The following RPE variants were observed in gnomAD, a reference collection of about 807,000 sequenced individuals.
RPE encodes the protein ribulose-phosphate 3-epimerase.
A neutral mutation model predicts 24.6 loss-of-function variants in RPE; 16 were observed. The observed-to-expected ratio is 0.65, with a 90% confidence interval of 0.44 to 0.99. The LOEUF (loss-of-function observed/expected upper bound fraction) is 0.99. Among genes scored for constraint, RPE ranks in the 50% least tolerant of loss-of-function variants. The pLI is 0.00. For synonymous variants in RPE, 93 were observed against 98.4 expected, an observed-to-expected ratio of 0.94 and a Z score of 0.33; for missense variants, 240 against 294.5, an observed-to-expected ratio of 0.81 and a Z score of 1.35.
intron 1 of RPE, among the ~76,000 whole-genome samples, chr2:210,006,573 T>G (rs942301572): frequency 6.6e-6 from 1 of 152,142 alleles, no homozygotes; most frequent in African/African-American, 2.4e-5. Flanking sequence ...TTTTTTTTGG[T>G]TCTTTTATTT....
At chr2:210,006,061 G>A (rs1029475879) in intron 1 of RPE, among the ~76,000 whole-genome samples, 1 of 152,134 alleles carries the variant, frequency 6.6e-6, no homozygotes, top group Non-Finnish European at 1.5e-5. Context: ...CTGGAAGAAA[G>A]GGATACCTTT....
In RPE at chr2:210,017,730, ATGCTTT is replaced by A. The variant is rs1182122729; in HGVS notation, c.564+173_564+178del. 28 of 376,278 alleles carry A rather than the reference ATGCTTT, an allele frequency of 7.4e-5. 1 individual carries two copies. The highest frequency in any genetic ancestry group is 8.9e-5 in the Non-Finnish European group (19 of 213,588). 23.3% of individuals were successfully genotyped at this position (376,278 alleles called of 1,614,324 possible). A position where few individuals can be genotyped will look rare whatever the true frequency, so the allele number is the denominator to read the frequency against. ...GGAAAATAAACAGCCATAAGTGGAT[ATGCTTT>A]TTTTTTTTTTTTTTTTTTTTCTTTT... On this transcript the variant is annotated intron_variant, in intron 5 of 5. Transcript: ENST00000359429.
At position 210,021,425 on chromosome 2, in the gene RPE, A is replaced by G. The variant is rs973638055; in HGVS notation, c.*1634A>G. ...TTTAATAACAAGCAACACACGGCAT[A>G]TAGAAATAACTTTAATTAAAAAACT... On this transcript the variant is annotated 3_prime_UTR_variant, in exon 6 of 6. Coordinates refer to ENST00000359429, the MANE Select transcript of RPE (RefSeq NM_199229.3). 1 of 152,598 alleles carries G rather than the reference A, an allele frequency of 6.6e-6. No homozygotes were observed. The highest frequency in any genetic ancestry group is 2.4e-5 in the African/African-American group (1 of 41,458). 9.5% of individuals were successfully genotyped at this position (152,598 alleles called of 1,614,324 possible). A position where few individuals can be genotyped will look rare whatever the true frequency, so the allele number is the denominator to read the frequency against.
In RPE at chr2:210,016,311, A is replaced by G. The variant is rs2093771563; in HGVS notation, c.343-196A>G. On this transcript the variant is annotated intron_variant, in intron 3 of 5. Transcript: ENST00000359429. ...TCTTCAGCTATGATGCCAGGATTTA[A>G]CTTCTTTGTCACATAGCATTTATGT... The G allele has an allele frequency of 5.6e-6, 9 of 1,597,370 alleles. No individual in the cohort carries two copies. In the East Asian group the frequency reaches 2.0e-4, roughly 36 times the overall value.
At position 210,016,648 on chromosome 2, in the gene RPE, G is replaced by T; in HGVS notation, c.477+7G>T. 6.2e-7 allele frequency: 1 copy of T among 1,614,024 alleles called. No homozygotes were observed. Among genetic ancestry groups the T allele is most frequent in the Non-Finnish European group, 8.5e-7 (1 of 1,179,884 alleles). ...GGAAGATATGATGCCAAAGGTAAAA[G>T]AAGTATTTGATTTTGGGGTGAGGCT... On this transcript the variant is annotated splice_region_variant and intron_variant, in intron 4 of 5. Transcript: ENST00000359429.
rs1486208652 is a variant in RPE at position 210,021,992 on chromosome 2, A to T, written c.*2201A>T. On this transcript the variant is annotated 3_prime_UTR_variant, in exon 6 of 6. Coordinates refer to ENST00000359429, the MANE Select transcript of RPE (RefSeq NM_199229.3). The stretch of plus-strand genomic sequence containing the variant: ...TTAACTAATTTCTTGCTAATCTAGA[A>T]ATACAATCATCTTTTTTTTTTTTTT... The T allele has an allele frequency of 6.6e-6, 1 of 151,596 alleles. No homozygotes were observed. Among genetic ancestry groups the T allele is most frequent in the Non-Finnish European group, 1.5e-5 (1 of 67,892 alleles). The allele number at this position is 151,596 out of a possible 1,614,324, so 9.4% of individuals were successfully genotyped here.
intron 4 of RPE, among the ~76,000 whole-genome samples, chr2:210,016,975 C>G (rs1288088054): frequency 6.6e-6 from 1 of 152,098 alleles, no homozygotes; most frequent in African/African-American, 2.4e-5. Flanking sequence ...CCCTGAGTAG[C>G]TAGGACTACA....
chr2:210,008,737 C>T (rs1159381410), intron 1 of RPE, among the ~76,000 whole-genome samples: 1 of 151,972 alleles, frequency 6.6e-6, no homozygotes, highest in Non-Finnish European at 1.5e-5. Flanking sequence ...GCTTTGTCGC[C>T]CAGGCTGGAA....
At chr2:210,019,539 A>G (rs1352916277) in intron 5 of RPE, 130 bp from the exon 6 acceptor site, 2 of 1,098,030 alleles carry the variant, frequency 1.8e-6, no homozygotes, top group Non-Finnish European at 1.3e-6. Context: ...AAGTCTGCTT[A>G]ATCTCAAAGT....
At chr2:210,015,624 C>G (rs541329800) in intron 2 of RPE, among the ~76,000 whole-genome samples, 22 of 152,234 alleles carry the variant, frequency 1.4e-4, no homozygotes, top group Admixed American at 1.4e-3. Flanking sequence ...CTTAATTTTT[C>G]CTAGAGGAAA....
At position 210,016,658 on chromosome 2, in the gene RPE, AT is replaced by A; in HGVS notation, c.477+21del. ...ATGCCAAAGGTAAAAGAAGTATTTG[AT>A]TTTGGGGTGAGGCTTTTACAGTGTG... On this transcript the variant is annotated intron_variant, in intron 4 of 5. Coordinates refer to ENST00000359429, the MANE Select transcript of RPE (RefSeq NM_199229.3). 1.9e-6 allele frequency: 3 copies of A among 1,614,102 alleles called. No homozygotes were observed. The highest frequency in any genetic ancestry group is 2.5e-6 in the Non-Finnish European group (3 of 1,180,008).
intron 5 of RPE, 160 bp downstream of exon 5, chr2:210,017,719 C>T (rs994278873): frequency 4.7e-6 from 3 of 636,868 alleles, no homozygotes; most frequent in East Asian, 2.9e-5. Flanking sequence ...AATAAACAGC[C>T]ATAAGTGGAT....
At chr2:210,012,851 C>G (rs966702612) in intron 2 of RPE, among the ~76,000 whole-genome samples, 1 of 152,188 alleles carries the variant, frequency 6.6e-6, no homozygotes, top group African/African-American at 2.4e-5. Context: ...AGTTATTTTA[C>G]CAAATGTGAT....
Position 210,015,994 on chromosome 2 carries a change from A to G in RPE, c.224A>G (p.Lys75Arg), listed in dbSNP as rs536988635. 4 of 1,614,216 alleles carry G rather than the reference A, an allele frequency of 2.5e-6. No homozygotes were observed. The African/African-American group carries it at 4.0e-5, about 16-fold the overall frequency. ...CTAGACATGCACATGATGGTGTCCA[A>G]GCCAGAACAGTGGGTAAAGCCAATG... ...PFFDMHMMVSKPEQWVKPMAV... is the reference protein window; with the variant it reads ...PFFDMHMMVSRPEQWVKPMAV... Residue 75 changes from lysine (K) to arginine (R), a missense_variant, in exon 3 of 6, where the codon AAG becomes AGG. Transcript: ENST00000359429.
chr2:210,018,023 A>G (rs560763597), intron 5 of RPE: 2 of 951,838 alleles, frequency 2.1e-6, no homozygotes, highest in East Asian at 5.4e-5. Context: ...GGGATTACAG[A>G]TGTGAGCCAT....
rs1237721411 is a variant in RPE, at chr2:210,022,036, G to A, written c.*2245G>A. The A allele has an allele frequency of 2.7e-5, 4 of 148,642 alleles. No individual in the cohort carries two copies. In the East Asian group the frequency reaches 5.8e-4, roughly 22 times the overall value. The allele number at this position is 148,642 out of a possible 1,614,324, so 9.2% of individuals were successfully genotyped here. The stretch of plus-strand genomic sequence containing the variant: ...TTTTTTTCAAATTTTATACTGATAG[G>A]GCTTTACTGTTTGTGGCTCATTTTA... On this transcript the variant is annotated 3_prime_UTR_variant, in exon 6 of 6. Coordinates refer to ENST00000359429, the MANE Select transcript of RPE (RefSeq NM_199229.3).
chr2:210,014,123 G>A (rs748485615), intron 2 of RPE, among the ~76,000 whole-genome samples: 11 of 151,552 alleles, frequency 7.3e-5, no homozygotes, highest in African/African-American at 7.3e-5. Context: ...ATGGAGTCTC[G>A]CTCTGTCGCC....
chr2:210,020,710 T>A lies in RPE; in HGVS notation c.*919T>A, dbSNP rs574124908. The A allele has an allele frequency of 6.0e-6, 1 of 165,744 alleles. No individual in the cohort carries two copies. The highest frequency in any genetic ancestry group is 1.5e-5 in the Non-Finnish European group (1 of 68,064). The allele number at this position is 165,744 out of a possible 1,614,324, so 10.3% of individuals were successfully genotyped here. The stretch of plus-strand genomic sequence containing the variant: ...CACAAAGTAAACAGCATTATATAAG[T>A]TTATATTTTTGTGAGTTATAAAGTA... On this transcript the variant is annotated 3_prime_UTR_variant, in exon 6 of 6. Coordinates refer to ENST00000359429, the MANE Select transcript of RPE (RefSeq NM_199229.3).
intron 1 of RPE, among the ~76,000 whole-genome samples, chr2:210,007,220 C>T (rs535594506): frequency 6.6e-6 from 1 of 152,144 alleles, no homozygotes; most frequent in African/African-American, 2.4e-5. Flanking sequence ...GTGTGTGGCC[C>T]ACATATAAGT....
Sources: gnomAD v4.1 joint callset for allele counts (sites outside exome capture counted in the v4.1 genomes callset) on GRCh38, gnomAD v4.1.1 for gene constraint, MANE v1.5 for transcripts, NCBI Gene and HGNC (gene_info 2026-07-23, HGNC 2026-07-21) for gene names.